Variants in DIP2C observed in about 807,000 individuals in gnomAD.
The protein encoded by DIP2C is disco-interacting protein 2 homolog C.
Under a neutral mutation model 192.4 loss-of-function variants are expected in DIP2C, and 33 were observed. That is an observed-to-expected ratio of 0.17 (90% CI 0.13 to 0.23). The LOEUF (loss-of-function observed/expected upper bound fraction) is 0.23. Ranked by LOEUF, DIP2C falls within the 10% of genes least tolerant of loss-of-function variation. DIP2C has a pLI of 1.00. For synonymous variants in DIP2C, 979 were observed against 864.1 expected (o/e 1.13, Z -2.33); for missense variants, 1,537 against 2,110.1 (o/e 0.73, Z 5.32).
At chr10:421,918 C>T (rs1966212917) in intron 5 of DIP2C, among the ~76,000 whole-genome samples, 1 of 152,126 alleles carries the variant, frequency 6.6e-6, no homozygotes, top group Non-Finnish European at 1.5e-5. Flanking sequence ...GGCTGAGACC[C>T]AAGTCAATCC....
intron 14 of DIP2C, among the ~76,000 whole-genome samples, chr10:385,964 C>T (rs1205650312): frequency 2.6e-5 from 4 of 152,198 alleles, no homozygotes; most frequent in Admixed American, 1.3e-4. Context: ...TGCTCAGAGA[C>T]CTCGCTTTAG....
chr10:318,569 T>A (rs1337653634), intron 31 of DIP2C, among the ~76,000 whole-genome samples: 1 of 152,212 alleles, frequency 6.6e-6, no homozygotes, highest in Non-Finnish European at 1.5e-5. Context: ...TTGGTGGTTC[T>A]GAGAGCCACT....
At chr10:612,332 C>T (rs1409453250) in intron 1 of DIP2C, among the ~76,000 whole-genome samples, 1 of 152,014 alleles carries the variant, frequency 6.6e-6, no homozygotes. Context: ...TAATTCTTCA[C>T]CGATGTCAAA....
chr10:514,284 C>CA (rs1360070835), intron 1 of DIP2C, among the ~76,000 whole-genome samples: 1 of 152,136 alleles, frequency 6.6e-6, no homozygotes, highest in Non-Finnish European at 1.5e-5. Context: ...TTCAATACGT[C>CA]AAGCTTGTTG....
intron 1 of DIP2C, among the ~76,000 whole-genome samples, chr10:522,006 G>A (rs763231046): frequency 5.3e-5 from 8 of 151,870 alleles, no homozygotes; most frequent in Admixed American, 1.3e-4. Context: ...TTTCACAGAC[G>A]TGGAACAGCA....
chr10:342,221 C>G (rs939199199), intron 28 of DIP2C, among the ~76,000 whole-genome samples: 1 of 151,794 alleles, frequency 6.6e-6, no homozygotes, highest in African/African-American at 2.4e-5. Flanking sequence ...TGCAGTGGTG[C>G]GATCTCCGCT....
In DIP2C at chr10:598,794, A is replaced by T. The variant is rs561257703; in HGVS notation, c.85+90700T>A. On this transcript the variant is annotated intron_variant, in intron 1 of 36. Transcript: ENST00000280886. Reference sequence around the variant, plus strand: ...TGTGGTCTGAAGGCATCTGAGCAGAAGGCCTGGCCCCAGCCCGGAGTGGGT... The same window carrying T: ...TGTGGTCTGAAGGCATCTGAGCAGATGGCCTGGCCCCAGCCCGGAGTGGGT... Among the ~76,000 whole-genome samples the T allele has an allele frequency of 2.2e-3, 331 of 152,270 alleles. 3 individuals are homozygous for T. The highest frequency in any genetic ancestry group is 3.8e-3 in the Non-Finnish European group (261 of 68,010).
intron 8 of DIP2C, 74 bp downstream of exon 8, chr10:413,839 C>T (rs1965349526): frequency 1.3e-6 from 2 of 1,546,004 alleles, no homozygotes; most frequent in South Asian, 1.2e-5. Flanking sequence ...TGTAAACGGA[C>T]ACTGAGTTTC....
At chr10:414,739 GTACATA>G (rs1258284341) in intron 7 of DIP2C, among the ~76,000 whole-genome samples, 11 of 90,510 alleles carry the variant, frequency 1.2e-4, no homozygotes, top group African/African-American at 4.1e-4. Flanking sequence ...GTGTGTGTGT[GTACATA>G]TATATATATA....
At chr10:338,516 C>G (rs200500274) in intron 29 of DIP2C, among the ~76,000 whole-genome samples, 1 of 152,102 alleles carries the variant, frequency 6.6e-6, no homozygotes, top group African/African-American at 2.4e-5. Context: ...CTTACCATCA[C>G]GTTACCGCTG....
chr10:515,292 G>C (rs1037628720), intron 1 of DIP2C, among the ~76,000 whole-genome samples: 1 of 152,326 alleles, frequency 6.6e-6, no homozygotes, highest in East Asian at 1.9e-4. Flanking sequence ...GTTAACATTT[G>C]AGGTAGATTG....
intron 1 of DIP2C, among the ~76,000 whole-genome samples, chr10:632,054 A>T (rs770942665): frequency 1.8e-4 from 28 of 152,372 alleles, no homozygotes; most frequent in Non-Finnish European, 2.9e-4. Context: ...GAGATTGAAG[A>T]GATAAAAGCA....
At chr10:423,706 G>C (rs1430573316) in intron 4 of DIP2C, among the ~76,000 whole-genome samples, 1 of 151,560 alleles carries the variant, frequency 6.6e-6, no homozygotes. Flanking sequence ...CCATGCAGCT[G>C]ATTTATTTCT....
At chr10:288,943 T>C (rs1194192562) in intron 32 of DIP2C, among the ~76,000 whole-genome samples, 1 of 152,214 alleles carries the variant, frequency 6.6e-6, no homozygotes, top group Non-Finnish European at 1.5e-5. Context: ...CTTCAAAGAA[T>C]ACATAATGAT....
Position 336,624 on chromosome 10 carries a change from A to T in DIP2C, c.3584+4575T>A, listed in dbSNP as rs1400792021. ...TGAATTTACTGTACTTTGTTATTTT[A>T]CAGCATCCTCCTACTTATAAAAAAG... On this transcript the variant is annotated intron_variant, in intron 29 of 36. Coordinates refer to ENST00000280886, the MANE Select transcript of DIP2C (RefSeq NM_014974.3). Among the ~76,000 whole-genome samples the T allele has an allele frequency of 3.9e-5, 6 of 152,256 alleles. No individual in the cohort carries two copies. In the East Asian group the frequency reaches 1.2e-3, roughly 29 times the overall value.
chr10:534,878 T>A (rs979751543), intron 1 of DIP2C, among the ~76,000 whole-genome samples: 1 of 151,414 alleles, frequency 6.6e-6, no homozygotes, highest in Non-Finnish European at 1.5e-5. Context: ...GGGTTTCACC[T>A]TGTTAGCCAG....
intron 24 of DIP2C, 120 bp from the exon 25 acceptor site, chr10:349,574 G>A: frequency 7.3e-7 from 1 of 1,364,522 alleles, no homozygotes; most frequent in Admixed American, 2.2e-5. Context: ...TTTAGAACAA[G>A]CACAGACCTG....
chr10:686,430 G>A (rs546103292), intron 1 of DIP2C, among the ~76,000 whole-genome samples: 66 of 150,464 alleles, frequency 4.4e-4, no homozygotes, highest in African/African-American at 6.1e-4. Flanking sequence ...CACAGCCTCC[G>A]CACCCACACA....
At chr10:444,736 G>A (rs542453023) in intron 3 of DIP2C, among the ~76,000 whole-genome samples, 18 of 152,350 alleles carry the variant, frequency 1.2e-4, no homozygotes, top group African/African-American at 3.8e-4. Flanking sequence ...GGAACTCATC[G>A]CCGTTGCCTA....
Sources: allele counts gnomAD v4.1 joint callset (sites outside exome capture counted in the v4.1 genomes callset), GRCh38; gene constraint gnomAD v4.1.1; transcripts MANE v1.5; gene names NCBI Gene and HGNC (gene_info 2026-07-23, HGNC 2026-07-21).